ASIC2: variants seen among roughly 807,000 people sequenced by gnomAD.
ASIC2 encodes the protein acid sensing ion channel subunit 2.
ASIC2 carries 25 observed loss-of-function variants against 57.3 expected under a neutral mutation model. The ratio of observed to expected loss-of-function variants is 0.44; its 90% confidence interval spans 0.32 to 0.61. The LOEUF is 0.61. Ranked by LOEUF, ASIC2 falls within the 20% of genes least tolerant of loss-of-function variation. ASIC2 has a pLI of 0.06. For missense variants in ASIC2, 641 were observed against 738.1 expected (o/e 0.87, Z 1.52); for synonymous variants, 319 against 307.5 (o/e 1.04, Z -0.39).
intron 1 of ASIC2, among the ~76,000 whole-genome samples, chr17:34,109,090 G>T: frequency 6.7e-6 from 1 of 148,818 alleles, no homozygotes; most frequent in African/African-American, 2.5e-5. Context: ...TAAGTTTTAG[G>T]GTATTTTGTC....
chr17:33,261,161 T>C (rs765501849), intron 1 of ASIC2, among the ~76,000 whole-genome samples: 11 of 152,212 alleles, frequency 7.2e-5, no homozygotes, highest in Non-Finnish European at 1.5e-4. Flanking sequence ...TTCAGAAATG[T>C]GATTCCCAGC....
chr17:33,935,213 C>G (rs2141974499), intron 1 of ASIC2, among the ~76,000 whole-genome samples: 1 of 152,376 alleles, frequency 6.6e-6, no homozygotes, highest in South Asian at 2.1e-4. Context: ...AGCCCCCAAA[C>G]CTCCTAGTCA....
intron 1 of ASIC2, among the ~76,000 whole-genome samples, chr17:33,159,637 C>A (rs553946573): frequency 6.6e-6 from 1 of 152,274 alleles, no homozygotes; most frequent in African/African-American, 2.4e-5. Context: ...TGGGTCCTAA[C>A]GAAAGTGCCT....
intron 1 of ASIC2, among the ~76,000 whole-genome samples, chr17:33,336,080 ACCTTGGTCTGCCT>A (rs1256598665): frequency 3.9e-5 from 6 of 152,038 alleles, no homozygotes; most frequent in East Asian, 3.9e-4. Flanking sequence ...AGAGTCACAG[ACCTTGGTCTGCCT>A]CCTGGGTCTG....
chr17:33,971,071 TCCAGG>T, intron 1 of ASIC2, among the ~76,000 whole-genome samples: 1 of 152,286 alleles, frequency 6.6e-6, no homozygotes, highest in Admixed American at 6.5e-5. Context: ...TATGCTTCCC[TCCAGG>T]ATGCGTGTGC....
At chr17:33,399,693 C>T (rs1424358063) in intron 1 of ASIC2, among the ~76,000 whole-genome samples, 2 of 152,130 alleles carry the variant, frequency 1.3e-5, no homozygotes, top group Admixed American at 6.5e-5. Context: ...CATAAGCATC[C>T]TTTTCCCAGC....
intron 3 of ASIC2, among the ~76,000 whole-genome samples, chr17:33,084,389 C>T (rs1256048711): frequency 6.6e-6 from 1 of 152,188 alleles, no homozygotes; most frequent in African/African-American, 2.4e-5. Context: ...GCCTGCCAGC[C>T]AGTCCCTCCC....
At chr17:33,057,019 G>A (rs1287624647) in intron 3 of ASIC2, among the ~76,000 whole-genome samples, 2 of 152,196 alleles carry the variant, frequency 1.3e-5, no homozygotes, top group Admixed American at 6.5e-5. Context: ...GTATGTGTGT[G>A]AGTGTGTGTG....
At chr17:33,014,415 C>T (rs568131174) in intron 9 of ASIC2, among the ~76,000 whole-genome samples, 37 of 152,068 alleles carry the variant, frequency 2.4e-4, no homozygotes, top group African/African-American at 8.7e-4. Context: ...GGGGGCCTCC[C>T]TCGGGGCTAT....
At position 34,099,751 on chromosome 17, in the gene ASIC2, AAAG is replaced by A. The variant is rs1439913009; in HGVS notation, c.555+56224_555+56226del. Among the ~76,000 whole-genome samples the A allele has an allele frequency of 8.7e-3, 100 of 11,492 alleles. 2 individuals are homozygous for A. The highest frequency in any genetic ancestry group is 0.019 in the Non-Finnish European group (85 of 4,398). 7.5% of individuals were successfully genotyped at this position (11,492 alleles called of 152,430 possible). On this transcript the variant is annotated intron_variant, in intron 1 of 9. Transcript: ENST00000359872. ...GAAAGAAGGAAAGAAAGAAAGAAAG[AAAG>A]AAAGAAAGAAAGAAAGAAAGAAAGA... is the stretch of plus-strand genomic sequence containing the variant.
intron 1 of ASIC2, among the ~76,000 whole-genome samples, chr17:33,986,318 A>G (rs1293531965): frequency 5.3e-5 from 8 of 151,704 alleles, no homozygotes; most frequent in Admixed American, 4.6e-4. Flanking sequence ...TGAAGTTCTT[A>G]GTAGGAGTGG....
At chr17:33,463,315 T>G (rs1345665335) in intron 1 of ASIC2, among the ~76,000 whole-genome samples, 2 of 152,258 alleles carry the variant, frequency 1.3e-5, no homozygotes, top group Admixed American at 1.3e-4. Context: ...AGGAAGTTTC[T>G]GGCGTGCTTT....
At chr17:33,655,361 C>T (rs1379083894) in intron 1 of ASIC2, among the ~76,000 whole-genome samples, 1 of 152,208 alleles carries the variant, frequency 6.6e-6, no homozygotes, top group East Asian at 1.9e-4. Context: ...TTCCTAATGC[C>T]AGAAATCCCA....
At chr17:33,703,114 G>A (rs1313141754) in intron 1 of ASIC2, among the ~76,000 whole-genome samples, 2 of 152,138 alleles carry the variant, frequency 1.3e-5, no homozygotes, top group Non-Finnish European at 2.9e-5. Context: ...AATATTCCAG[G>A]CAGATGGGAT....
At chr17:33,750,506 G>A (rs1196336276) in intron 1 of ASIC2, among the ~76,000 whole-genome samples, 1 of 152,130 alleles carries the variant, frequency 6.6e-6, no homozygotes, top group African/African-American at 2.4e-5. Flanking sequence ...TTAGTGCCTA[G>A]GGCCCAGTGG....
intron 1 of ASIC2, among the ~76,000 whole-genome samples, chr17:34,111,323 T>G (rs1309862436): frequency 6.7e-6 from 1 of 148,430 alleles, no homozygotes; most frequent in Non-Finnish European, 1.5e-5. Flanking sequence ...TATATTATAT[T>G]ATGTTATATT....
At chr17:34,100,719 C>T (rs1331485989) in intron 1 of ASIC2, among the ~76,000 whole-genome samples, 3 of 152,182 alleles carry the variant, frequency 2.0e-5, no homozygotes, top group Admixed American at 6.5e-5. Flanking sequence ...CCTCCTACTG[C>T]GTCTCCCTTC....
At chr17:33,585,831 CTT>C (rs1904610956) in intron 1 of ASIC2, among the ~76,000 whole-genome samples, 1 of 152,100 alleles carries the variant, frequency 6.6e-6, no homozygotes, top group Admixed American at 6.5e-5. Context: ...TAATTTATAT[CTT>C]TTACTTTATT....
At chr17:33,366,724 G>A (rs1179157897) in intron 1 of ASIC2, among the ~76,000 whole-genome samples, 5 of 152,202 alleles carry the variant, frequency 3.3e-5, no homozygotes, top group Non-Finnish European at 4.4e-5. Context: ...GAGTGAAATA[G>A]TCAATGATTT....
Sources: allele counts gnomAD v4.1 joint callset (sites outside exome capture counted in the v4.1 genomes callset), GRCh38; gene constraint gnomAD v4.1.1; transcripts MANE v1.5; gene names NCBI Gene and HGNC (gene_info 2026-07-23, HGNC 2026-07-21).